Variants in KATNIP observed in about 807,000 individuals in gnomAD.
KATNIP encodes the protein katanin interacting protein.
KATNIP carries 126 observed loss-of-function variants against 174.0 expected under a neutral mutation model. That is an observed-to-expected ratio of 0.72 (90% CI 0.63 to 0.84). The LOEUF (loss-of-function observed/expected upper bound fraction) is 0.84. Ranked by LOEUF, KATNIP falls within the 40% of genes least tolerant of loss-of-function variation. The probability of loss-of-function intolerance (pLI) is 0.00; values close to 1 mark genes in which losing one functional copy is unlikely to be tolerated. For synonymous variants in KATNIP, 810 were observed against 835.7 expected (o/e 0.97, Z 0.53); for missense variants, 1,958 against 2,109.7 (o/e 0.93, Z 1.41).
intron 18 of KATNIP, among the ~76,000 whole-genome samples, chr16:27,759,334 G>C (rs1229953819): frequency 6.6e-6 from 1 of 152,174 alleles, no homozygotes; most frequent in Non-Finnish European, 1.5e-5. Context: ...GGGGTGAGCA[G>C]GGCTGTTTGA....
At chr16:27,662,200 T>C (rs1366028387) in intron 6 of KATNIP, among the ~76,000 whole-genome samples, 1 of 148,304 alleles carries the variant, frequency 6.7e-6, no homozygotes, top group Non-Finnish European at 1.5e-5. Flanking sequence ...TCCCAAAGCA[T>C]TGGGATTACA....
intron 5 of KATNIP, among the ~76,000 whole-genome samples, chr16:27,633,510 T>G (rs1158018373): frequency 1.3e-5 from 2 of 151,864 alleles, no homozygotes; most frequent in African/African-American, 2.4e-5. Flanking sequence ...CAGGCTAGTC[T>G]TGAACTTCTG....
At chr16:27,699,504 A>G (rs747048097) in intron 9 of KATNIP, 30 bp from the exon 10 acceptor site, 6 of 1,613,632 alleles carry the variant, frequency 3.7e-6, no homozygotes, top group East Asian at 4.5e-5. Flanking sequence ...CTTTGTTCCA[A>G]CATCACATCA....
chr16:27,691,782 G>C (rs2078742453), intron 8 of KATNIP, among the ~76,000 whole-genome samples: 1 of 152,220 alleles, frequency 6.6e-6, no homozygotes, highest in African/African-American at 2.4e-5. Context: ...TCATGTTGCT[G>C]GAGGAGCATT....
chr16:27,726,078 C>T (rs933518625), intron 14 of KATNIP, among the ~76,000 whole-genome samples: 3 of 152,150 alleles, frequency 2.0e-5, no homozygotes, highest in South Asian at 2.1e-4. Flanking sequence ...CCAGCATGAC[C>T]GCCTGAGCTC....
intron 2 of KATNIP, among the ~76,000 whole-genome samples, chr16:27,576,454 C>G (rs1325151795): frequency 6.6e-6 from 1 of 151,978 alleles, no homozygotes; most frequent in Non-Finnish European, 1.5e-5. Context: ...AAAACCAACC[C>G]CAAACAATTA....
intron 2 of KATNIP, among the ~76,000 whole-genome samples, chr16:27,612,338 G>C (rs575481422): frequency 6.6e-6 from 1 of 152,234 alleles, no homozygotes; most frequent in African/African-American, 2.4e-5. Flanking sequence ...GTACCTCCCA[G>C]CTCAAGTTCA....
At chr16:27,759,710 G>A (rs1005079123) in intron 18 of KATNIP, among the ~76,000 whole-genome samples, 5 of 152,170 alleles carry the variant, frequency 3.3e-5, no homozygotes, top group African/African-American at 7.2e-5. Flanking sequence ...CTCAAGCCCC[G>A]AGTGCTTTAC....
chr16:27,710,084 G>T (rs1401515537), intron 13 of KATNIP, among the ~76,000 whole-genome samples: 1 of 152,172 alleles, frequency 6.6e-6, no homozygotes, highest in African/African-American at 2.4e-5. Context: ...ACAGAGCCAG[G>T]TACAGTGGCT....
chr16:27,649,889 C>T (rs1198478461), intron 6 of KATNIP, among the ~76,000 whole-genome samples: 1 of 152,120 alleles, frequency 6.6e-6, no homozygotes, highest in Non-Finnish European at 1.5e-5. Context: ...TTAGGAGTGA[C>T]CTGGGGCCAG....
chr16:27,608,091 T>C (rs1426390065), intron 2 of KATNIP, among the ~76,000 whole-genome samples: 1 of 152,188 alleles, frequency 6.6e-6, no homozygotes, highest in Non-Finnish European at 1.5e-5. Flanking sequence ...AATTCCAATA[T>C]GGTGGCCTCA....
intron 14 of KATNIP, among the ~76,000 whole-genome samples, chr16:27,735,093 T>G (rs1026728902): frequency 6.6e-6 from 1 of 152,222 alleles, no homozygotes; most frequent in South Asian, 2.1e-4. Context: ...TTGTTTGGCC[T>G]GCAGAGTGCT....
rs529487652 is a variant in KATNIP, at chr16:27,657,498, C to T, written c.540+8763C>T. ...ATCCTAGCATTTTGGGAGGACGAGG[C>T]GGGTGGATCACCAAGGTCAGGAGTT... On this transcript the variant is annotated intron_variant, in intron 6 of 27. Coordinates refer to ENST00000261588, the MANE Select transcript of KATNIP (RefSeq NM_015202.5). Among the ~76,000 whole-genome samples the T allele has an allele frequency of 2.4e-4, 36 of 151,970 alleles. 1 individual carries two copies. Among genetic ancestry groups the T allele is most frequent in the Admixed American group, 7.9e-4 (12 of 15,224 alleles).
chr16:27,777,898 A>C lies in KATNIP; in HGVS notation c.4730A>C (p.Gln1577Pro), dbSNP rs1204240322. ...HTTISNQAED[Q>P]DVQMMNENQI... The stretch of plus-strand genomic sequence containing the variant: ...ACCCTCAGTAATCAGGCCGAGGATC[A>C]AGATGTCCAGATGATGAATGAAAAC... The change falls in exon 27 of 28, where the codon CAA becomes CCA. Residue 1577 changes from glutamine to proline, a missense_variant. Gln to Pro is a moderately conservative substitution (Grantham distance 76). Around this residue, in one of 3 missense-constraint regions of KATNIP, gnomAD observed 383 missense variants for 456.0 expected, o/e 0.84. Transcript: ENST00000261588. This position sits in a 1 kb window ranked among gnomAD's most constrained non-coding sequence, Gnocchi z 4.4. The C allele has an allele frequency of 6.2e-7, 1 of 1,614,118 alleles. No individual in the cohort carries two copies. The highest frequency in any genetic ancestry group is 8.5e-7 in the Non-Finnish European group (1 of 1,180,028).
At position 27,694,791 on chromosome 16, in the gene KATNIP, C is replaced by CAATAAATAAATA. The variant is rs57439444; in HGVS notation, c.941-3517_941-3506dup. ...AGCCTGGACAAGGGAGACCCTACCA[C>CAATAAATAAATA]AATAAATAAATAAATAAATAAATAA... On this transcript the variant is annotated intron_variant, in intron 8 of 27. Coordinates refer to ENST00000261588, the MANE Select transcript of KATNIP (RefSeq NM_015202.5). Among the ~76,000 whole-genome samples the CAATAAATAAATA allele has an allele frequency of 1.1e-3, 167 of 148,882 alleles. 1 individual carries two copies. The highest frequency in any genetic ancestry group is 5.7e-3 in the East Asian group (28 of 4,904).
chr16:27,690,822 C>T (rs1025972388), intron 8 of KATNIP, among the ~76,000 whole-genome samples: 4 of 152,170 alleles, frequency 2.6e-5, no homozygotes, highest in African/African-American at 7.2e-5. Context: ...TCAGCCCTGT[C>T]GAAAGGGGGC....
intron 6 of KATNIP, 113 bp from the exon 7 acceptor site, chr16:27,677,616 T>C: frequency 1.8e-6 from 2 of 1,102,070 alleles, no homozygotes; most frequent in South Asian, 3.3e-5. Context: ...GAGATAATAT[T>C]GTTAAATGTT....
intron 5 of KATNIP, among the ~76,000 whole-genome samples, chr16:27,648,292 CAAA>C (rs74809919): frequency 9.6e-5 from 10 of 104,012 alleles, no homozygotes; most frequent in Admixed American, 2.1e-4. Flanking sequence ...GATCCTGACT[CAAA>C]AAAAAAAAAA....
At chr16:27,726,143 A>C (rs1229822217) in intron 14 of KATNIP, among the ~76,000 whole-genome samples, 2 of 152,154 alleles carry the variant, frequency 1.3e-5, no homozygotes, top group East Asian at 3.9e-4. Context: ...TGGGAACCCT[A>C]CTGGGAATTG....
Sources: gnomAD v4.1 joint callset for allele counts (sites outside exome capture counted in the v4.1 genomes callset) on GRCh38, gnomAD v4.1.1 for gene constraint, gnomAD v4.1.1 regional missense constraint, Gnocchi (gnomAD v3.1) non-coding constraint, MANE v1.5 for transcripts, NCBI Gene and HGNC (gene_info 2026-07-23, HGNC 2026-07-21) for gene names.